The following TCIRG1 variants were observed in gnomAD, a reference collection of about 807,000 sequenced individuals.
TCIRG1 encodes T cell immune regulator 1, ATPase H+ transporting V0 subunit a3, also known as V-type proton ATPase 116 kDa subunit a 3.
TCIRG1 carries 86 observed loss-of-function variants against 95.5 expected under a neutral mutation model. The ratio of observed to expected loss-of-function variants is 0.90; its 90% CI spans 0.76 to 1.08. TCIRG1 has a LOEUF of 1.08. TCIRG1 is among the 50% of genes least tolerant of loss of function. TCIRG1 has a pLI of 0.00. For missense variants in TCIRG1, 1,069 were observed against 1,140.2 expected (o/e 0.94, Z 0.90); for synonymous variants, 499 against 501.3 (o/e 1.00, Z 0.06).
At chr11:68,042,344 G>A (rs1315800429) in intron 3 of TCIRG1, among the ~76,000 whole-genome samples, 4 of 152,188 alleles carry the variant, frequency 2.6e-5, no homozygotes, top group Non-Finnish European at 5.9e-5. Context: ...CAATGATCAG[G>A]CAGACACAGG....
chr11:68,047,801 G>A lies in TCIRG1; in HGVS notation c.1460G>A (p.Trp487Ter). 1.9e-6 allele frequency: 3 copies of A among 1,612,804 alleles called. No homozygotes were observed. Among genetic ancestry groups the A allele is most frequent in the South Asian group, 1.1e-5 (1 of 91,068 alleles). Reference protein sequence around the residue: ...SVAAMANQSGWSDAFLAQHTM... With the variant: ...SVAAMANQSG ...GCCGCCATGGCCAACCAGTCTGGCT[G>A]GAGGTGAGGCCCGGGCCCCAGCCCG... The change falls in exon 12 of 20, where the codon TGG (tryptophan) becomes TAG (stop). Residue 487 changes from tryptophan to a stop codon, truncating the protein, a stop_gained. Transcript: ENST00000265686. LOFTEE classifies it high-confidence loss of function.
At chr11:68,045,188 A>G in intron 10 of TCIRG1, 86 bp downstream of exon 10, 13 of 1,543,764 alleles carry the variant, frequency 8.4e-6, no homozygotes, top group Non-Finnish European at 1.1e-5. Context: ...AGGTATCTCC[A>G]TCCTGGGCCT....
At chr11:68,053,761 T>C (rs915098017), downstream of TCIRG1, 4 of 501,446 alleles carry the variant, frequency 8.0e-6, no homozygotes, top group African/African-American at 3.9e-5. Context: ...TATTGCACTA[T>C]ATTTCTGCTT....
chr11:68,047,860 G>A lies in TCIRG1; in HGVS notation c.1464-22G>A, dbSNP rs113368668. The A allele has an allele frequency of 4.9e-4, 785 of 1,613,092 alleles. 4 individuals carry two copies. Among genetic ancestry groups the A allele is most frequent in the Middle Eastern group, 3.1e-3 (19 of 6,060 alleles). The stretch of plus-strand genomic sequence containing the variant: ...CCCCGCAGCACCCGCAGCCCTGACC[G>A]CCCTCCCCTGCGTTGCCGCAGTGAT... On this transcript the variant is annotated intron_variant, in intron 12 of 19. Transcript: ENST00000265686.
chr11:68,049,289 C>T lies in TCIRG1; in HGVS notation c.1882C>T (p.Arg628Trp), dbSNP rs369197157. The change falls in exon 15 of 20, where the codon CGG becomes TGG. Residue 628 changes from arginine (R) to tryptophan (W), a missense_variant. Physicochemically the swap from Arg to Trp is moderately radical, Grantham distance 101. Coordinates refer to ENST00000265686, the MANE Select transcript of TCIRG1 (RefSeq NM_006019.4). Reference sequence around the variant, plus strand: ...CCCCAGCAACAGGCTGCTCTACCCCCGGCAGGTGGGCTGCGGCTGGTGGGG... The same window carrying T: ...CCCCAGCAACAGGCTGCTCTACCCCTGGCAGGTGGGCTGCGGCTGGTGGGG... Reference protein sequence around the residue: ...HSPSNRLLYPRQEVVQATLVV... With the variant: ...HSPSNRLLYPWQEVVQATLVV... 201 of 1,607,476 alleles carry T rather than the reference C, an allele frequency of 1.3e-4. No individual in the cohort carries two copies. Among genetic ancestry groups the T allele is most frequent in the Admixed American group, 7.9e-4 (47 of 59,838 alleles).
intron 9 of TCIRG1, 147 bp from the exon 10 acceptor site, chr11:68,044,811 G>A (rs759968748): frequency 4.9e-6 from 5 of 1,014,480 alleles, no homozygotes; most frequent in South Asian, 2.8e-5. Context: ...GCAGAGCAGG[G>A]CTGATCATCT....
chr11:68,042,205 A>G (rs1855201706), intron 3 of TCIRG1, among the ~76,000 whole-genome samples: 1 of 152,014 alleles, frequency 6.6e-6, no homozygotes, highest in South Asian at 2.1e-4. Context: ...AGGGTAGGGT[A>G]CCCCTAAGGA....
chr11:68,049,628 C>A, intron 15 of TCIRG1, 35 bp from the exon 16 acceptor site: 1 of 1,593,526 alleles, frequency 6.3e-7, no homozygotes, highest in South Asian at 1.1e-5. Context: ...GTGTGCACAG[C>A]AGGGACGCCC....
chr11:68,049,953 A>G lies in TCIRG1; in HGVS notation c.2014-9A>G. ...GGAGTGCTGCCAACACTGCCTGCTC[A>G]TGCCCCAGGAGGAAAACAAGGCCGG... On this transcript the variant is annotated splice_polypyrimidine_tract_variant and intron_variant, in intron 16 of 19. Transcript: ENST00000265686. 1 of 1,607,346 alleles carries G rather than the reference A, an allele frequency of 6.2e-7. No homozygotes were observed. The highest frequency in any genetic ancestry group is 8.5e-7 in the Non-Finnish European group (1 of 1,177,896).
chr11:68,047,261 C>CA (rs1352679625), intron 10 of TCIRG1, among the ~76,000 whole-genome samples, 172 bp from the exon 11 acceptor site: 1 of 108,144 alleles, frequency 9.2e-6, no homozygotes, highest in East Asian at 2.8e-4. Flanking sequence ...TGCCCCCCCC[C>CA]CCCCCCGTCT....
downstream of TCIRG1, among the ~76,000 whole-genome samples, chr11:68,051,893 A>G (rs1855810147): frequency 6.6e-6 from 1 of 152,114 alleles, no homozygotes; most frequent in Admixed American, 6.5e-5. Context: ...ACTCGTGGTG[A>G]GTGGCCCCAG....
At chr11:68,041,185 G>A (rs1463378034) in intron 1 of TCIRG1, 83 bp from the exon 2 acceptor site, 1 of 911,442 alleles carries the variant, frequency 1.1e-6, no homozygotes, top group African/African-American at 1.6e-5. Flanking sequence ...CCAGGATTCA[G>A]TGAGTGAAGG....
downstream of TCIRG1, chr11:68,053,372 C>G (rs1312536949): frequency 6.5e-6 from 1 of 152,824 alleles, no homozygotes; most frequent in Non-Finnish European, 1.5e-5. Flanking sequence ...GAGGGGAGAG[C>G]TCTGCTCCAC....
rs753522576 is a variant in TCIRG1, at chr11:68,049,193, TGGGCTGCCA to T, written c.1791_1799del (p.Arg599_Ala601del). On this transcript the variant is annotated inframe_deletion, in exon 15 of 20. Transcript: ENST00000265686. ...AGTCATCTACAAGTGGCTGTGTGTC[TGGGCTGCCA>T]GGGCCGCCTCGGCCCCCAGCATCCT... is the stretch of plus-strand genomic sequence containing the variant. 6.2e-6 allele frequency: 10 copies of T among 1,613,904 alleles called. No individual in the cohort carries two copies. The highest frequency in any genetic ancestry group is 7.6e-6 in the Non-Finnish European group (9 of 1,180,006).
intron 9 of TCIRG1, 106 bp downstream of exon 9, chr11:68,044,450 A>AG: frequency 1.1e-6 from 1 of 931,452 alleles, no homozygotes; most frequent in Admixed American, 2.0e-5. Context: ...GGCTTTGCCT[A>AG]GGGGCTCCTT....
chr11:68,052,154 T>G (rs923974871), downstream of TCIRG1: 1 of 152,178 alleles, frequency 6.6e-6, no homozygotes, highest in African/African-American at 2.4e-5. Context: ...CCACGTGAGC[T>G]TATGGCCTGA....
Position 68,050,488 on chromosome 11 carries a change from G to C in TCIRG1, c.2238G>C (p.Gln746His), listed in dbSNP as rs1487087248. Residue 746 changes from glutamine (Q) to histidine (H), a missense_variant and splice_region_variant, in exon 19 of 20, where the codon CAG (glutamine) becomes CAC (histidine). Gln to His is a conservative substitution (Grantham distance 24). Transcript: ENST00000265686. ...RLWALSLAHA[Q>H]LSEVLWAMVM... ...CCCCACTGTCTCCTTTGCTTGCAGA[G>C]CTGTCCGAGGTTCTGTGGGCCATGG... The C allele has an allele frequency of 6.2e-7, 1 of 1,613,050 alleles. No homozygotes were observed. Among genetic ancestry groups the C allele is most frequent in the Non-Finnish European group, 8.5e-7 (1 of 1,180,002 alleles).
In TCIRG1 at chr11:68,041,750, C is replaced by T. The variant is rs766886615; in HGVS notation, c.118-3C>T. The T allele has an allele frequency of 3.4e-5, 55 of 1,607,412 alleles. No homozygotes were observed. The highest frequency in any genetic ancestry group is 4.4e-5 in the Non-Finnish European group (52 of 1,177,406). Reference sequence around the variant, plus strand: ...CACTCACCCCTCCGTGTGGCACCCACAGCTCAACGCCTCGGTGAGCGCCTT... The same window carrying T: ...CACTCACCCCTCCGTGTGGCACCCATAGCTCAACGCCTCGGTGAGCGCCTT... On this transcript the variant is annotated splice_region_variant and splice_polypyrimidine_tract_variant and intron_variant, in intron 2 of 19. Transcript: ENST00000265686.
chr11:68,041,220 C>A, intron 1 of TCIRG1, 48 bp from the exon 2 acceptor site: 2 of 1,300,352 alleles, frequency 1.5e-6, no homozygotes, highest in Non-Finnish European at 1.1e-6. Flanking sequence ...TGGTTGGGAA[C>A]TGTCTGTGGT....
Sources: allele counts gnomAD v4.1 joint callset (sites outside exome capture counted in the v4.1 genomes callset), GRCh38; gene constraint gnomAD v4.1.1; transcripts MANE v1.5; gene names NCBI Gene and HGNC (gene_info 2026-07-23, HGNC 2026-07-21).